The following LITAF variants were observed in gnomAD, a reference collection of about 807,000 sequenced individuals.
The protein encoded by LITAF is lipopolysaccharide induced TNF factor.
A neutral mutation model predicts 14.5 loss-of-function variants in LITAF; 9 were observed. The ratio of observed to expected loss-of-function variants is 0.62; its 90% CI spans 0.37 to 1.08. LITAF has a LOEUF of 1.08. Among genes scored for constraint, LITAF ranks in the 50% least tolerant of loss-of-function variants. The pLI, the probability that LITAF is intolerant of heterozygous loss-of-function variation, is 0.01. For synonymous variants in LITAF, 98 were observed against 88.2 expected (o/e 1.11, Z -0.62); for missense variants, 206 against 213.4 (o/e 0.97, Z 0.22).
rs746955414 is a variant in LITAF, at chr16:11,605,015, G to A, written c.85+28518C>T. Among the ~76,000 whole-genome samples, 26 of 152,140 alleles carry A rather than the reference G, an allele frequency of 1.7e-4. No individual in the cohort carries two copies. Among genetic ancestry groups the A allele is most frequent in the Non-Finnish European group, 3.1e-4 (21 of 68,022 alleles). ...AAGTTGGAGCAATGCGGGAAAGAAC[G>A]GAACTTCCTTGCCTACTCCAGGAAT... On this transcript the variant is annotated intron_variant, in intron 3 of 3. Coordinates refer to the LITAF transcript ENST00000574848. This position sits in a 1 kb window ranked among gnomAD's most constrained non-coding sequence, Gnocchi z 4.7.
intron 1 of LITAF, among the ~76,000 whole-genome samples, chr16:11,578,348 G>A (rs1032984315): frequency 7.2e-5 from 11 of 152,110 alleles, no homozygotes; most frequent in African/African-American, 1.2e-4. Context: ...ACCTGAGGTC[G>A]GGAGTTCGAG....
At position 11,548,010 on chromosome 16, in the gene LITAF, C is replaced by T. The variant is rs62022848; in HGVS notation, c.*1627G>A. The stretch of plus-strand genomic sequence containing the variant: ...ACTCATAAATAGTTCACCGGGTGAA[C>T]CAAAGACTTTATTTTTCAAAAGCAG... On this transcript the variant is annotated 3_prime_UTR_variant, in exon 4 of 4. Transcript: ENST00000622633. 130 of 454,050 alleles carry T rather than the reference C, an allele frequency of 2.9e-4. 1 individual carries two copies. The East Asian group carries it at 7.3e-3, about 25-fold the overall frequency. 28.1% of individuals were successfully genotyped at this position (454,050 alleles called of 1,614,324 possible). A position where few individuals can be genotyped will look rare whatever the true frequency, so the allele number is the denominator to read the frequency against.
intron 3 of LITAF, among the ~76,000 whole-genome samples, chr16:11,620,484 T>C (rs2065043609): frequency 6.6e-6 from 1 of 152,112 alleles, no homozygotes; most frequent in African/African-American, 2.4e-5. Flanking sequence ...AGCACCATAC[T>C]TCCTGTACAG....
At chr16:11,550,727 C>A (rs1027573880) in intron 3 of LITAF, among the ~76,000 whole-genome samples, 2 of 152,034 alleles carry the variant, frequency 1.3e-5, no homozygotes, top group African/African-American at 4.8e-5. Context: ...AACTGCTGGC[C>A]TCAAGTGATC....
At chr16:11,601,282 T>C (rs939048284), upstream of LITAF, among the ~76,000 whole-genome samples, 1 of 101,684 alleles carries the variant, frequency 9.8e-6, no homozygotes, top group Non-Finnish European at 2.0e-5. Context: ...GTGACAGAGG[T>C]CATTCCCCCA....
intron 3 of LITAF, among the ~76,000 whole-genome samples, chr16:11,552,757 A>G (rs1315627512): frequency 6.6e-6 from 1 of 152,092 alleles, no homozygotes. Context: ...CCTAGCATTA[A>G]GCGGGTGGGG....
rs769847059 is a variant in LITAF at position 11,586,061 on chromosome 16, G to A, written c.-6+825C>T. On this transcript the variant is annotated intron_variant, in intron 1 of 3. Transcript: ENST00000622633. The surrounding 1 kb of genome is among the most constrained non-coding windows in gnomAD (Gnocchi z 6.5). ...TATCCACAGTGACCTGCAAACCAGA[G>A]CGGGGAGGGTATTTGCCTAGCTTGG... 7.2e-5 allele frequency: 11 copies of A among 152,612 alleles called. No individual in the cohort carries two copies. The highest frequency in any genetic ancestry group is 1.3e-4 in the Non-Finnish European group (9 of 68,344). The allele number at this position is 152,612 out of a possible 1,614,324, so 9.5% of individuals were successfully genotyped here.
chr16:11,584,381 C>CA (rs2064779157), intron 1 of LITAF: 3 of 152,310 alleles, frequency 2.0e-5, no homozygotes, highest in East Asian at 3.9e-4. Flanking sequence ...AGCCCATTCT[C>CA]AAAGTGCTAT....
upstream of LITAF, among the ~76,000 whole-genome samples, chr16:11,599,511 T>C (rs2064914534): frequency 6.6e-6 from 1 of 152,074 alleles, no homozygotes; most frequent in Non-Finnish European, 1.5e-5. Flanking sequence ...AACTCATGTG[T>C]TTCCAGAATC....
intron 3 of LITAF, among the ~76,000 whole-genome samples, chr16:11,607,703 C>T (rs777598472): frequency 2.0e-5 from 3 of 152,150 alleles, no homozygotes; most frequent in Non-Finnish European, 4.4e-5. Context: ...TAAATACAGG[C>T]ACACATGAAA....
chr16:11,575,339 G>A (rs536200027), intron 1 of LITAF: 1 of 152,318 alleles, frequency 6.6e-6, no homozygotes, highest in South Asian at 2.1e-4. Context: ...GCGAGTGGAG[G>A]ATCTGGGGAC....
intron 3 of LITAF, among the ~76,000 whole-genome samples, chr16:11,622,295 G>C (rs534711796): frequency 1.3e-5 from 2 of 152,220 alleles, no homozygotes; most frequent in African/African-American, 4.8e-5. Flanking sequence ...CAGCCTGAAC[G>C]CTTTCCCAAA....
At chr16:11,597,336 C>T (rs908346263) in intron 1 of LITAF, among the ~76,000 whole-genome samples, 2 of 152,092 alleles carry the variant, frequency 1.3e-5, no homozygotes, top group African/African-American at 4.8e-5. Flanking sequence ...ATTCCACAAC[C>T]CACTGGGGGT....
At chr16:11,626,895 T>C (rs941474170) in intron 3 of LITAF, among the ~76,000 whole-genome samples, 1 of 151,888 alleles carries the variant, frequency 6.6e-6, no homozygotes, top group East Asian at 1.9e-4. Context: ...CAGGATGGAG[T>C]GCAGTGGCAC....
chr16:11,637,398 C>G (rs1181690526), upstream of LITAF, among the ~76,000 whole-genome samples: 1 of 152,256 alleles, frequency 6.6e-6, no homozygotes, highest in Non-Finnish European at 1.5e-5. Flanking sequence ...ATCTTCAGTG[C>G]TGGGGCAGAA....
At chr16:11,619,322 A>G (rs930894442) in intron 3 of LITAF, among the ~76,000 whole-genome samples, 1 of 150,228 alleles carries the variant, frequency 6.7e-6, no homozygotes, top group African/African-American at 2.5e-5. Flanking sequence ...AAAACAAAAA[A>G]CAAAAAAAAA....
At chr16:11,600,156 C>A (rs1176243666), upstream of LITAF, among the ~76,000 whole-genome samples, 1 of 152,128 alleles carries the variant, frequency 6.6e-6, no homozygotes, top group African/African-American at 2.4e-5. The surrounding 1 kb of genome is among the most constrained non-coding windows in gnomAD (Gnocchi z 4.1). Flanking sequence ...AGCCACCATG[C>A]CCAGCTTGTT....
intron 1 of LITAF, among the ~76,000 whole-genome samples, chr16:11,573,077 T>G (rs1280896035): frequency 6.6e-6 from 1 of 151,970 alleles, no homozygotes; most frequent in African/African-American, 2.4e-5. Flanking sequence ...TACAGGCGTG[T>G]GCCACCACGC....
At position 11,558,612 on chromosome 16, in the gene LITAF, G is replaced by T. The variant is rs1597335138; in HGVS notation, c.-5-1877C>A. ...AATCCCAGCTACTTAGGAGGCTGAG[G>T]CAGGAGGATTGCTTAATCCTAGGAG... On this transcript the variant is annotated intron_variant, in intron 1 of 3. Transcript: ENST00000622633. The surrounding 1 kb of genome is among the most constrained non-coding windows in gnomAD (Gnocchi z 4.1). Among the ~76,000 whole-genome samples, 2 of 152,130 alleles carry T rather than the reference G, an allele frequency of 1.3e-5. No individual in the cohort carries two copies. Among genetic ancestry groups the T allele is most frequent in the African/African-American group, 4.8e-5 (2 of 41,424 alleles).
Sources: allele counts gnomAD v4.1 joint callset (sites outside exome capture counted in the v4.1 genomes callset), GRCh38; gene constraint gnomAD v4.1.1; non-coding constraint Gnocchi (gnomAD v3.1); transcripts MANE v1.5; gene names NCBI Gene and HGNC (gene_info 2026-07-23, HGNC 2026-07-21).